The following NCAM2 variants were observed in gnomAD, a reference collection of about 807,000 sequenced individuals.
NCAM2 encodes the protein neural cell adhesion molecule 2, also known as N-CAM-2.
A neutral mutation model predicts 98.1 loss-of-function variants in NCAM2; 30 were observed. The observed-to-expected ratio is 0.31, with a 90% CI of 0.23 to 0.41. The LOEUF (loss-of-function observed/expected upper bound fraction) is 0.41. Ranked by LOEUF, NCAM2 falls within the 10% of genes least tolerant of loss-of-function variation. The pLI is 1.00. For missense variants in NCAM2, 867 were observed against 1,005.8 expected, an observed-to-expected ratio of 0.86 and a Z score of 1.87; for synonymous variants, 368 against 342.4, an observed-to-expected ratio of 1.07 and a Z score of -0.83.
intron 9 of NCAM2, among the ~76,000 whole-genome samples, chr21:21,392,537 C>T (rs1257472138): frequency 6.6e-6 from 1 of 152,194 alleles, no homozygotes; most frequent in African/African-American, 2.4e-5. Context: ...CAGTCTTCCA[C>T]AATGGCTGAA....
Position 21,537,749 on chromosome 21 carries a change from T to C in NCAM2, c.2403-97T>C, listed in dbSNP as rs75857270. On this transcript the variant is annotated intron_variant, in intron 17 of 17. Transcript: ENST00000400546. ...GCATATATAAAATGTTAGCATATTATTGGAGCATATTTTCCTTACAAAACA... is the reference window on the plus strand; with the variant it reads ...GCATATATAAAATGTTAGCATATTACTGGAGCATATTTTCCTTACAAAACA... The C allele has an allele frequency of 3.6e-4, 197 of 545,308 alleles. 1 individual carries two copies. The East Asian group carries it at 5.8e-3, about 16-fold the overall frequency. The allele number at this position is 545,308 out of a possible 1,614,324, so 33.8% of individuals were successfully genotyped here.
At chr21:21,515,095 GAC>G (rs1159177230) in intron 16 of NCAM2, among the ~76,000 whole-genome samples, 1 of 152,154 alleles carries the variant, frequency 6.6e-6, no homozygotes, top group African/African-American at 2.4e-5. Context: ...TTCATTGAAA[GAC>G]AATCAATATC....
intron 5 of NCAM2, among the ~76,000 whole-genome samples, chr21:21,311,839 T>C (rs2074063895): frequency 6.6e-6 from 1 of 152,160 alleles, no homozygotes; most frequent in African/African-American, 2.4e-5. Flanking sequence ...AGATTTGATT[T>C]GGGGTGTTTT....
At chr21:21,068,789 G>A (rs541987260) in intron 1 of NCAM2, among the ~76,000 whole-genome samples, 8 of 152,172 alleles carry the variant, frequency 5.3e-5, no homozygotes, top group Non-Finnish European at 8.8e-5. Flanking sequence ...TATTATCTGC[G>A]TAACGGGTGC....
At chr21:21,175,490 G>A (rs1473813826) in intron 1 of NCAM2, among the ~76,000 whole-genome samples, 1 of 151,998 alleles carries the variant, frequency 6.6e-6, no homozygotes, top group East Asian at 1.9e-4. Context: ...CTGAGATCGT[G>A]CCACTGCACT....
intron 1 of NCAM2, among the ~76,000 whole-genome samples, chr21:21,236,921 A>T (rs978777866): frequency 2.0e-5 from 3 of 152,190 alleles, no homozygotes; most frequent in Non-Finnish European, 4.4e-5. Flanking sequence ...AACTAGAGTT[A>T]TGTAGACAAT....
At chr21:21,225,342 C>G (rs1229794066) in intron 1 of NCAM2, among the ~76,000 whole-genome samples, 1 of 152,020 alleles carries the variant, frequency 6.6e-6, no homozygotes, top group Non-Finnish European at 1.5e-5. Context: ...TGCAGCAAAC[C>G]ACCATGGCAC....
At chr21:21,303,565 A>G (rs2073791169) in intron 5 of NCAM2, among the ~76,000 whole-genome samples, 1 of 152,128 alleles carries the variant, frequency 6.6e-6, no homozygotes. Context: ...TTACAAATAT[A>G]TACATATTTA....
intron 1 of NCAM2, among the ~76,000 whole-genome samples, chr21:21,094,257 A>G (rs1464262385): frequency 2.0e-5 from 3 of 151,996 alleles, no homozygotes; most frequent in African/African-American, 7.2e-5. Flanking sequence ...ATATACACAA[A>G]TATCCATTGG....
chr21:21,527,878 T>C (rs531404911), intron 16 of NCAM2, among the ~76,000 whole-genome samples: 5 of 152,348 alleles, frequency 3.3e-5, no homozygotes, highest in Admixed American at 6.5e-5. Flanking sequence ...AGTGTATGTC[T>C]ACACCAAAAC....
intron 1 of NCAM2, among the ~76,000 whole-genome samples, chr21:21,185,345 C>A (rs1356786199): frequency 6.6e-6 from 1 of 152,074 alleles, no homozygotes; most frequent in East Asian, 1.9e-4. Flanking sequence ...GGTCTTCAAA[C>A]TTAAGGCACG....
chr21:21,498,987 A>G (rs1987441621), intron 15 of NCAM2, among the ~76,000 whole-genome samples: 1 of 152,182 alleles, frequency 6.6e-6, no homozygotes, highest in East Asian at 1.9e-4. Flanking sequence ...GCATTAGTAA[A>G]TTATATGGAC....
intron 1 of NCAM2, among the ~76,000 whole-genome samples, chr21:21,264,961 G>GTGTA (rs1568854824): frequency 3.5e-5 from 1 of 28,418 alleles, no homozygotes; most frequent in Admixed American, 4.6e-4. Flanking sequence ...ATGTGTATGT[G>GTGTA]TATATATACA....
intron 6 of NCAM2, among the ~76,000 whole-genome samples, chr21:21,329,188 T>C (rs1314900449): frequency 6.6e-6 from 1 of 152,008 alleles, no homozygotes; most frequent in Non-Finnish European, 1.5e-5. Flanking sequence ...TCCATGTGAT[T>C]ATCCCGCGTC....
At chr21:21,211,316 C>A (rs2069653572) in intron 1 of NCAM2, among the ~76,000 whole-genome samples, 1 of 152,000 alleles carries the variant, frequency 6.6e-6, no homozygotes, top group African/African-American at 2.4e-5. Context: ...TGGTATTTAC[C>A]AGGAATTGTG....
At chr21:21,366,624 C>T (rs956782499) in intron 8 of NCAM2, among the ~76,000 whole-genome samples, 1 of 152,052 alleles carries the variant, frequency 6.6e-6, no homozygotes, top group African/African-American at 2.4e-5. Context: ...TTCTGATCTG[C>T]TCCACATATT....
intron 1 of NCAM2, among the ~76,000 whole-genome samples, chr21:21,111,046 A>G (rs528411142): frequency 2.0e-4 from 31 of 152,286 alleles, no homozygotes; most frequent in African/African-American, 7.5e-4. Context: ...TTTTGTTAAA[A>G]AGGCAATAAA....
At position 21,492,068 on chromosome 21, in the gene NCAM2, T is replaced by G. The variant is rs1270432962; in HGVS notation, c.2077+14597T>G. Among the ~76,000 whole-genome samples the G allele has an allele frequency of 2.0e-5, 3 of 151,702 alleles. No homozygotes were observed. In the East Asian group the frequency reaches 5.8e-4, roughly 29 times the overall value. On this transcript the variant is annotated intron_variant, in intron 15 of 17. Coordinates refer to ENST00000400546, the MANE Select transcript of NCAM2 (RefSeq NM_004540.5). The stretch of plus-strand genomic sequence containing the variant: ...TATTAATTTTTTATTGTTCTACTAT[T>G]CTGGGCCATTGTGAAGAAACTAAAG...
intron 1 of NCAM2, among the ~76,000 whole-genome samples, chr21:21,254,380 A>G (rs777872758): frequency 1.3e-5 from 2 of 152,202 alleles, no homozygotes; most frequent in Non-Finnish European, 2.9e-5. Flanking sequence ...TTAATCACTC[A>G]TAACCCTGGC....
Sources: gnomAD v4.1 joint callset for allele counts (sites outside exome capture counted in the v4.1 genomes callset) on GRCh38, gnomAD v4.1.1 for gene constraint, MANE v1.5 for transcripts, NCBI Gene and HGNC (gene_info 2026-07-23, HGNC 2026-07-21) for gene names.